Variants in SHANK2 observed in about 807,000 individuals in gnomAD.
SHANK2 encodes SH3 and multiple ankyrin repeat domains 2.
In SHANK2, 43 loss-of-function variants were observed where a neutral mutation model predicts 133.7. That is an observed-to-expected ratio of 0.32 (90% CI 0.25 to 0.41). The LOEUF is 0.41. Among genes scored for constraint, SHANK2 ranks in the 10% least tolerant of loss-of-function variants. The probability of loss-of-function intolerance (pLI) is 1.00; values close to 1 mark genes in which losing one functional copy is unlikely to be tolerated. For missense variants in SHANK2, 1,994 were observed against 2,235.8 expected (o/e 0.89, Z 2.18); for synonymous variants, 1,017 against 952.8 (o/e 1.07, Z -1.24).
intron 3 of SHANK2, among the ~76,000 whole-genome samples, chr11:71,135,871 C>G (rs1555104685): frequency 1.3e-5 from 2 of 152,260 alleles, no homozygotes; most frequent in African/African-American, 4.8e-5. Flanking sequence ...TAGAGAACTT[C>G]TGACAGTCTG....
At chr11:70,727,939 T>C (rs1946209590) in intron 14 of SHANK2, among the ~76,000 whole-genome samples, 1 of 152,106 alleles carries the variant, frequency 6.6e-6, no homozygotes, top group Non-Finnish European at 1.5e-5. Flanking sequence ...AGGCGAGAGG[T>C]GTTCTGATGA....
At chr11:70,564,504 C>T (rs1392016850) in intron 17 of SHANK2, among the ~76,000 whole-genome samples, 3 of 152,120 alleles carry the variant, frequency 2.0e-5, no homozygotes, top group Admixed American at 6.5e-5. Context: ...AACTGATCTG[C>T]CCGCCTCAGC....
chr11:70,473,707 G>A lies in SHANK2; in HGVS notation c.4980-268C>T, dbSNP rs1334400256. The A allele has an allele frequency of 3.6e-6, 2 of 548,542 alleles. No individual in the cohort carries two copies. The highest frequency in any genetic ancestry group is 3.8e-5 in the African/African-American group (2 of 53,240). 34.0% of individuals were successfully genotyped at this position (548,542 alleles called of 1,614,324 possible). On this transcript the variant is annotated intron_variant, in intron 25 of 25. Coordinates refer to ENST00000601538, the MANE Select transcript of SHANK2 (RefSeq NM_012309.5). The surrounding 1 kb of genome is among the most constrained non-coding windows in gnomAD (Gnocchi z 5.9). ...GGGGCTGGGGGACCTGCCTGTGCTG[G>A]GGGGAGCACACCACGTCAGCCCACT...
intron 15 of SHANK2, among the ~76,000 whole-genome samples, chr11:70,694,390 G>A (rs571469134): frequency 2.5e-4 from 38 of 152,336 alleles, no homozygotes; most frequent in African/African-American, 9.1e-4. Context: ...GACATAAGAG[G>A]AGGTTGGAAG....
chr11:70,607,707 C>T (rs1203581433), intron 17 of SHANK2, among the ~76,000 whole-genome samples: 2 of 152,232 alleles, frequency 1.3e-5, no homozygotes, highest in African/African-American at 4.8e-5. Flanking sequence ...CACCACAGGG[C>T]CCCCAGGACA....
chr11:71,237,998 G>C (rs1228224214), intron 1 of SHANK2, among the ~76,000 whole-genome samples: 1 of 152,218 alleles, frequency 6.6e-6, no homozygotes. Context: ...GTGACACACA[G>C]ACTCACCTCT....
At chr11:70,931,954 ATTT>A (rs1324982297) in intron 10 of SHANK2, among the ~76,000 whole-genome samples, 1 of 152,130 alleles carries the variant, frequency 6.6e-6, no homozygotes, top group Non-Finnish European at 1.5e-5. Context: ...CATAACAAAT[ATTT>A]TTTTAAGAAA....
At chr11:71,152,545 C>T (rs1415362268) in intron 2 of SHANK2, among the ~76,000 whole-genome samples, 1 of 152,220 alleles carries the variant, frequency 6.6e-6, no homozygotes, top group Non-Finnish European at 1.5e-5. Flanking sequence ...GAGGCCACAG[C>T]CCCCGCTGCT....
intron 2 of SHANK2, among the ~76,000 whole-genome samples, chr11:71,152,103 T>G (rs1952809982): frequency 6.6e-6 from 1 of 152,088 alleles, no homozygotes; most frequent in Non-Finnish European, 1.5e-5. Context: ...TTATAAACAT[T>G]GGAAATTCAC....
intron 10 of SHANK2, among the ~76,000 whole-genome samples, chr11:70,954,637 C>T (rs374779153): frequency 3.3e-5 from 5 of 152,326 alleles, no homozygotes; most frequent in Admixed American, 2.0e-4. Context: ...CATCCAAAAA[C>T]GCCTTGCCCG....
At chr11:71,170,437 C>A (rs1286211514) in intron 2 of SHANK2, among the ~76,000 whole-genome samples, 1 of 152,178 alleles carries the variant, frequency 6.6e-6, no homozygotes, top group Non-Finnish European at 1.5e-5. Context: ...TGTAACAGAA[C>A]AATTAAACTC....
intron 14 of SHANK2, among the ~76,000 whole-genome samples, chr11:70,784,551 C>A (rs1210412646): frequency 6.6e-6 from 1 of 151,888 alleles, no homozygotes; most frequent in Non-Finnish European, 1.5e-5. Flanking sequence ...AGGTGATCTG[C>A]CCACCTCAGC....
chr11:71,240,487 T>C (rs561883914), intron 1 of SHANK2, among the ~76,000 whole-genome samples: 129 of 152,158 alleles, frequency 8.5e-4, no homozygotes, highest in African/African-American at 3.0e-3. Context: ...AAGGTGGCGG[T>C]GGAGGCGGGG....
intron 2 of SHANK2, among the ~76,000 whole-genome samples, chr11:71,168,416 A>G (rs1363671720): frequency 1.3e-5 from 2 of 151,126 alleles, no homozygotes; most frequent in Non-Finnish European, 3.0e-5. Context: ...CACTTCCCAG[A>G]CGGGGTGGCG....
At position 70,812,729 on chromosome 11, in the gene SHANK2, C is replaced by G. The variant is rs76416111; in HGVS notation, c.1494-5558G>C. On this transcript the variant is annotated intron_variant, in intron 12 of 25. Coordinates refer to ENST00000601538, the MANE Select transcript of SHANK2 (RefSeq NM_012309.5). ...CTCAGGAGACATGGCACCCGGGCCACGCTGGGGGTCCCTCCTGCTGTCCTG... is the reference window on the plus strand; with the variant it reads ...CTCAGGAGACATGGCACCCGGGCCAGGCTGGGGGTCCCTCCTGCTGTCCTG... Among the ~76,000 whole-genome samples, 1,388 of 152,310 alleles carry G rather than the reference C, an allele frequency of 9.1e-3. 14 individuals carry two copies. Among genetic ancestry groups the G allele is most frequent in the African/African-American group, 0.031 (1,294 of 41,562 alleles).
chr11:70,912,094 AAAAAAAAAAAAAAAAAAAAAAG>A (rs1252835961), intron 10 of SHANK2, among the ~76,000 whole-genome samples: 93 of 76,110 alleles, frequency 1.2e-3, no homozygotes, highest in African/African-American at 8.3e-3. Context: ...AAAAAAAAAA[AAAAAAAAAAAAAAAAAAAAAAG>A]AAAGAAAGAA....
At chr11:70,762,728 G>T (rs1591822577) in intron 14 of SHANK2, among the ~76,000 whole-genome samples, 1 of 152,298 alleles carries the variant, frequency 6.6e-6, no homozygotes, top group African/African-American at 2.4e-5. Context: ...GTGCCCCTGG[G>T]TCCTCTCAGG....
chr11:70,641,698 T>C (rs2061185217), intron 17 of SHANK2, among the ~76,000 whole-genome samples: 1 of 152,224 alleles, frequency 6.6e-6, no homozygotes, highest in Admixed American at 6.5e-5. Context: ...GGAGGAGAGC[T>C]GCCTGCCCGA....
chr11:71,184,870 G>A (rs1258031802), intron 2 of SHANK2, among the ~76,000 whole-genome samples: 1 of 152,092 alleles, frequency 6.6e-6, no homozygotes, highest in Non-Finnish European at 1.5e-5. Flanking sequence ...ACTGCCCAGA[G>A]GCCACCACTA....
Sources: gnomAD v4.1 joint callset for allele counts (sites outside exome capture counted in the v4.1 genomes callset) on GRCh38, gnomAD v4.1.1 for gene constraint, Gnocchi (gnomAD v3.1) non-coding constraint, MANE v1.5 for transcripts, NCBI Gene and HGNC (gene_info 2026-07-23, HGNC 2026-07-21) for gene names.